The following PDE4B variants were observed in gnomAD, a reference collection of about 807,000 sequenced individuals.
PDE4B encodes 3',5'-cyclic-AMP phosphodiesterase 4B.
Under a neutral mutation model 82.2 loss-of-function variants are expected in PDE4B, and 20 were observed. The ratio of observed to expected loss-of-function variants is 0.24; its 90% CI spans 0.17 to 0.35. The LOEUF (loss-of-function observed/expected upper bound fraction) is 0.35. PDE4B is among the 10% of genes least tolerant of loss of function. PDE4B has a pLI of 1.00. For synonymous variants in PDE4B, 320 were observed against 318.9 expected (o/e 1.00, Z -0.04); for missense variants, 655 against 907.2 (o/e 0.72, Z 3.57).
intron 3 of PDE4B, among the ~76,000 whole-genome samples, chr1:66,013,220 G>A (rs1021500593): frequency 6.6e-6 from 1 of 151,862 alleles, no homozygotes; most frequent in Non-Finnish European, 1.5e-5. Flanking sequence ...TTTACCTTAG[G>A]ATTTAATTAA....
chr1:66,124,432 A>G (rs1487954792), intron 3 of PDE4B, among the ~76,000 whole-genome samples: 1 of 152,234 alleles, frequency 6.6e-6, no homozygotes, highest in Non-Finnish European at 1.5e-5. Context: ...AAGAGTCTGC[A>G]GTGCTCCTAT....
chr1:65,940,831 CGA>C (rs548868872), intron 3 of PDE4B, among the ~76,000 whole-genome samples: 58 of 151,676 alleles, frequency 3.8e-4, no homozygotes, highest in Non-Finnish European at 7.4e-4. Context: ...GGGTTTCAGA[CGA>C]GAGAGTGAAA....
intron 1 of PDE4B, among the ~76,000 whole-genome samples, chr1:65,864,892 C>T (rs1462667998): frequency 2.0e-5 from 3 of 152,324 alleles, no homozygotes; most frequent in Middle Eastern, 3.4e-3. Context: ...GCTCAAACAC[C>T]GTGCTGGGAG....
chr1:66,303,311 T>C (rs1409286509), intron 7 of PDE4B, among the ~76,000 whole-genome samples: 1 of 150,668 alleles, frequency 6.6e-6, no homozygotes, highest in Non-Finnish European at 1.5e-5. Context: ...TATATATATT[T>C]ATGGTGTATA....
At chr1:65,968,870 AT>A (rs1285111956) in intron 3 of PDE4B, among the ~76,000 whole-genome samples, 4 of 152,138 alleles carry the variant, frequency 2.6e-5, no homozygotes, top group Non-Finnish European at 5.9e-5. Context: ...CCCAACCTAT[AT>A]TTTTATTTCA....
rs1223094167 is a variant in PDE4B, at chr1:66,257,831, T to C, written c.552T>C (p.Thr184=). 4 of 1,613,146 alleles carry C rather than the reference T, an allele frequency of 2.5e-6. No individual in the cohort carries two copies. The highest frequency in any genetic ancestry group is 1.3e-5 in the African/African-American group (1 of 74,892). ...TGCGAAGTGTGAGAAACAACTTCAC[T>C]ATACTGACAAACCTTCATGGTACAT... is the stretch of plus-strand genomic sequence containing the variant. ...ASLRSVRNNF[T]ILTNLHGTSN... is the part of the protein sequence containing the mutation. Residue 184 remains threonine (T), a synonymous_variant, in exon 6 of 17, where the codon ACT becomes ACC. Coordinates refer to ENST00000341517, the MANE Select transcript of PDE4B (RefSeq NM_002600.4).
At position 66,083,064 on chromosome 1, in the gene PDE4B, C is replaced by T. The variant is rs190801770; in HGVS notation, c.281+164229C>T. 4.6e-5 allele frequency among the ~76,000 whole-genome samples: 7 copies of T among 152,222 alleles called. No homozygotes were observed. In the East Asian group the frequency reaches 1.4e-3, roughly 29 times the overall value. The stretch of plus-strand genomic sequence containing the variant: ...TCCTTTGCAGTCTTCTGCCGCCTCC[C>T]TCATCCTGCAGTTTGTTGTTGCTTT... On this transcript the variant is annotated intron_variant, in intron 3 of 16. Coordinates refer to ENST00000341517, the MANE Select transcript of PDE4B (RefSeq NM_002600.4).
intron 3 of PDE4B, among the ~76,000 whole-genome samples, chr1:66,141,874 C>G (rs559534652): frequency 1.2e-4 from 19 of 152,220 alleles, no homozygotes; most frequent in African/African-American, 3.6e-4. Flanking sequence ...ATAGTTGACT[C>G]TTGAACAACA....
chr1:66,275,452 C>T (rs1344865977), intron 7 of PDE4B, among the ~76,000 whole-genome samples: 1 of 152,120 alleles, frequency 6.6e-6, no homozygotes, highest in African/African-American at 2.4e-5. Flanking sequence ...TACACCCTCT[C>T]CAATTACTGC....
At chr1:65,877,616 A>AAAAT (rs58204108) in intron 1 of PDE4B, among the ~76,000 whole-genome samples, 8,677 of 147,776 alleles carry the variant, frequency 0.059, 320 homozygotes, top group African/African-American at 0.088. Flanking sequence ...CTCTGTCTAA[A>AAAAT]AAATAAATAA....
chr1:65,982,500 A>G (rs2503195), intron 3 of PDE4B, among the ~76,000 whole-genome samples: 149,260 of 152,232 alleles, frequency 0.98, 73,236 homozygotes, highest in Middle Eastern at 1. Flanking sequence ...AAGTGTGACT[A>G]GACAATCATT....
intron 3 of PDE4B, among the ~76,000 whole-genome samples, chr1:66,039,672 T>C (rs1654258484): frequency 6.6e-6 from 1 of 152,074 alleles, no homozygotes; most frequent in Non-Finnish European, 1.5e-5. Context: ...GTTGCCTTAA[T>C]TTAACTATGA....
chr1:65,890,075 C>T (rs1314017993), intron 1 of PDE4B, among the ~76,000 whole-genome samples: 1 of 151,848 alleles, frequency 6.6e-6, no homozygotes, highest in Non-Finnish European at 1.5e-5. Context: ...AAATTTAGAA[C>T]TGCTAGAACT....
At chr1:65,835,443 A>G (rs1646129527) in intron 1 of PDE4B, among the ~76,000 whole-genome samples, 1 of 152,178 alleles carries the variant, frequency 6.6e-6, no homozygotes, top group Admixed American at 6.5e-5. Flanking sequence ...TTTAACCCAG[A>G]AAAGTGTTAA....
chr1:66,262,901 T>A (rs935488159), intron 6 of PDE4B, among the ~76,000 whole-genome samples: 1 of 152,214 alleles, frequency 6.6e-6, no homozygotes, highest in African/African-American at 2.4e-5. Context: ...ATTGAGAGAA[T>A]TAGGCACTGT....
At chr1:66,118,889 C>CT (rs1481661822) in intron 3 of PDE4B, among the ~76,000 whole-genome samples, 1 of 151,778 alleles carries the variant, frequency 6.6e-6, no homozygotes, top group South Asian at 2.1e-4. Context: ...ATTCCTAAAC[C>CT]TTTTTTTTCA....
intron 8 of PDE4B, among the ~76,000 whole-genome samples, chr1:66,353,407 G>C (rs1039114792): frequency 2.0e-5 from 3 of 152,166 alleles, no homozygotes; most frequent in African/African-American, 7.2e-5. Flanking sequence ...AGGCACAGGC[G>C]ATGGCATGAC....
chr1:65,897,772 G>T (rs1361828975), intron 1 of PDE4B, among the ~76,000 whole-genome samples: 1 of 152,066 alleles, frequency 6.6e-6, no homozygotes, highest in Non-Finnish European at 1.5e-5. Flanking sequence ...CTTTGGTATT[G>T]TGATTAATGC....
chr1:66,280,075 C>A (rs1406991015), intron 7 of PDE4B, among the ~76,000 whole-genome samples: 1 of 152,164 alleles, frequency 6.6e-6, no homozygotes, highest in Admixed American at 6.6e-5. Flanking sequence ...TGGAATTATG[C>A]CTAGCTCTTC....
Sources: allele counts gnomAD v4.1 joint callset (sites outside exome capture counted in the v4.1 genomes callset), GRCh38; gene constraint gnomAD v4.1.1; transcripts MANE v1.5; gene names NCBI Gene and HGNC (gene_info 2026-07-23, HGNC 2026-07-21).